The following ABHD2 variants were observed in gnomAD, a reference collection of about 807,000 sequenced individuals.
ABHD2 encodes abhydrolase domain containing 2, acylglycerol lipase, also known as monoacylglycerol lipase ABHD2.
ABHD2 carries 20 observed loss-of-function variants against 48.1 expected under a neutral mutation model. The observed-to-expected ratio is 0.42, with a 90% CI of 0.29 to 0.60. The LOEUF (loss-of-function observed/expected upper bound fraction) is 0.60. Ranked by LOEUF, ABHD2 falls within the 20% of genes least tolerant of loss-of-function variation. ABHD2 has a pLI of 0.24. For missense variants in ABHD2, 405 were observed against 550.9 expected, an observed-to-expected ratio of 0.74 and a Z score of 2.65; for synonymous variants, 209 against 214.2, an observed-to-expected ratio of 0.98 and a Z score of 0.21.
chr15:89,140,189 A>G (rs966896293), intron 3 of ABHD2, among the ~76,000 whole-genome samples: 1 of 152,146 alleles, frequency 6.6e-6, no homozygotes, highest in Non-Finnish European at 1.5e-5. Flanking sequence ...TGAGGCTTCC[A>G]CTCACGTGCT....
chr15:89,187,999 C>T (rs1362395987), intron 7 of ABHD2, among the ~76,000 whole-genome samples, 194 bp from the exon 8 acceptor site: 1 of 152,158 alleles, frequency 6.6e-6, no homozygotes, highest in Non-Finnish European at 1.5e-5. Flanking sequence ...GTCTGGGTAC[C>T]CCTGAAAAGG....
rs1179586757 is a variant in ABHD2, at chr15:89,198,554, ACTTACTGGGAAC to A, written c.*3136_*3147del. On this transcript the variant is annotated 3_prime_UTR_variant, in exon 11 of 11. Transcript: ENST00000352732. This position sits in a 1 kb window ranked among gnomAD's most constrained non-coding sequence, Gnocchi z 5.1. ...TTTTAACCTCTCTGCAGCATTTTAC[ACTTACTGGGAAC>A]CTTATGATTCACCGTAAGAGTGGAA... 1 of 152,216 alleles carries A rather than the reference ACTTACTGGGAAC, an allele frequency of 6.6e-6. No homozygotes were observed. The highest frequency in any genetic ancestry group is 1.5e-5 in the Non-Finnish European group (1 of 68,044). 9.4% of individuals were successfully genotyped at this position (152,216 alleles called of 1,614,324 possible).
At chr15:89,078,291 C>A in the ABHD2 span, among the ~76,000 whole-genome samples, 1 of 152,194 alleles carries the variant, frequency 6.6e-6, no homozygotes, top group Non-Finnish European at 1.5e-5. Flanking sequence ...ACATTGCCTC[C>A]AGATTAATTG....
the ABHD2 span, among the ~76,000 whole-genome samples, chr15:89,049,035 G>A: frequency 0.019 from 2,842 of 152,122 alleles, 84 homozygotes; most frequent in African/African-American, 0.065. Context: ...TTTGGTCTTC[G>A]ATGATGGTGA....
chr15:89,058,043 AT>A, the ABHD2 span, among the ~76,000 whole-genome samples: 1 of 152,162 alleles, frequency 6.6e-6, no homozygotes, highest in African/African-American at 2.4e-5. Context: ...CACATACTCT[AT>A]GTCTGCATAT....
Position 89,201,641 on chromosome 15 carries a change from G to T in ABHD2, c.*6218G>T, listed in dbSNP as rs16949949. On this transcript the variant is annotated 3_prime_UTR_variant, in exon 11 of 11. Coordinates refer to ENST00000352732, the MANE Select transcript of ABHD2 (RefSeq NM_152924.5). The stretch of plus-strand genomic sequence containing the variant: ...GCCTCACACAGTACCGGTGAGGCAC[G>T]GTAGTCTTCACTTTGAAACACACTT... 2 of 1,599,556 alleles carry T rather than the reference G, an allele frequency of 1.3e-6. No individual in the cohort carries two copies. Among genetic ancestry groups the T allele is most frequent in the African/African-American group, 2.7e-5 (2 of 74,626 alleles).
the ABHD2 span, among the ~76,000 whole-genome samples, chr15:89,054,197 C>G: frequency 6.6e-6 from 1 of 151,896 alleles, no homozygotes; most frequent in East Asian, 1.9e-4. Flanking sequence ...TGACACACGC[C>G]TGTAGTCCCA....
In ABHD2 at chr15:89,173,820, A is replaced by G. The variant is rs556857932; in HGVS notation, c.539-1992A>G. On this transcript the variant is annotated intron_variant, in intron 5 of 10. Coordinates refer to ENST00000352732, the MANE Select transcript of ABHD2 (RefSeq NM_152924.5). The surrounding 1 kb of genome is among the most constrained non-coding windows in gnomAD (Gnocchi z 6.5). Reference sequence around the variant, plus strand: ...AAGAGGGAGAAAAATAAGCAGCTTGATCCTCTACTATCTCACTGGAGAGGG... The same window carrying G: ...AAGAGGGAGAAAAATAAGCAGCTTGGTCCTCTACTATCTCACTGGAGAGGG... Among the ~76,000 whole-genome samples the G allele has an allele frequency of 6.6e-6, 1 of 152,230 alleles. No homozygotes were observed. Among genetic ancestry groups the G allele is most frequent in the South Asian group, 2.1e-4 (1 of 4,814 alleles).
In ABHD2 at chr15:89,164,063, C is replaced by T. The variant is rs2050800870; in HGVS notation, c.538+8529C>T. 6.6e-6 allele frequency among the ~76,000 whole-genome samples: 1 copy of T among 152,212 alleles called. No individual in the cohort carries two copies. The highest frequency in any genetic ancestry group is 2.4e-5 in the African/African-American group (1 of 41,446). Reference sequence around the variant, plus strand: ...AAGAGCATCCAAGAGCATCTCAGAGCCACAGAATTGGACCTGTGGGTTTGG... The same window carrying T: ...AAGAGCATCCAAGAGCATCTCAGAGTCACAGAATTGGACCTGTGGGTTTGG... On this transcript the variant is annotated intron_variant, in intron 5 of 10. Coordinates refer to ENST00000352732, the MANE Select transcript of ABHD2 (RefSeq NM_152924.5). This position sits in a 1 kb window ranked among gnomAD's most constrained non-coding sequence, Gnocchi z 5.0.
chr15:89,095,187 C>T (rs1476780342), intron 1 of ABHD2, among the ~76,000 whole-genome samples: 1 of 151,966 alleles, frequency 6.6e-6, no homozygotes, highest in African/African-American at 2.4e-5. Flanking sequence ...AGTTAATGGC[C>T]ATTGAATTAT....
At chr15:89,113,575 G>A (rs938252409) in intron 1 of ABHD2, 150 bp from the exon 2 acceptor site, 1 of 152,216 alleles carries the variant, frequency 6.6e-6, no homozygotes, top group Non-Finnish European at 1.5e-5. Flanking sequence ...TGTTAAAAAG[G>A]CCAAACATTC....
At chr15:89,075,822 A>G in the ABHD2 span, among the ~76,000 whole-genome samples, 2 of 152,206 alleles carry the variant, frequency 1.3e-5, no homozygotes, top group African/African-American at 4.8e-5. The surrounding 1 kb of genome is among the most constrained non-coding windows in gnomAD (Gnocchi z 4.1). Context: ...AGAAGAGTCC[A>G]TGGGGCAGGC....
chr15:89,095,536 C>A (rs888971455), intron 1 of ABHD2, among the ~76,000 whole-genome samples: 6 of 152,196 alleles, frequency 3.9e-5, no homozygotes, highest in Non-Finnish European at 5.9e-5. Context: ...GAGACCCCAG[C>A]AACCTGCTGG....
rs932253881 is a variant in ABHD2, at chr15:89,100,665, C to G, written c.-107+12102C>G. 1.3e-5 allele frequency among the ~76,000 whole-genome samples: 2 copies of G among 152,036 alleles called. No homozygotes were observed. Among genetic ancestry groups the G allele is most frequent in the Non-Finnish European group, 2.9e-5 (2 of 68,012 alleles). ...TGGGTGGATCACGAGGTCAGGAGTTCGAGACCAGCCTGGCCAACATAGTGA... is the reference window on the plus strand; with the variant it reads ...TGGGTGGATCACGAGGTCAGGAGTTGGAGACCAGCCTGGCCAACATAGTGA... On this transcript the variant is annotated intron_variant, in intron 1 of 10. Transcript: ENST00000352732. This position sits in a 1 kb window ranked among gnomAD's most constrained non-coding sequence, Gnocchi z 4.4.
rs1458513084 is a variant in ABHD2 at position 89,116,291 on chromosome 15, G to A, written c.-6-31G>A. ...GGCACCACCCGTCCTCACTGTGCTTGTAAACTTAGACCTGTGCCTCTGCTC... is the reference window on the plus strand; with the variant it reads ...GGCACCACCCGTCCTCACTGTGCTTATAAACTTAGACCTGTGCCTCTGCTC... On this transcript the variant is annotated intron_variant, in intron 2 of 10. Transcript: ENST00000352732. The surrounding 1 kb of genome is among the most constrained non-coding windows in gnomAD (Gnocchi z 4.6). The A allele has an allele frequency of 1.3e-6, 2 of 1,593,274 alleles. No homozygotes were observed. The highest frequency in any genetic ancestry group is 1.7e-5 in the Admixed American group (1 of 58,742).
intron 5 of ABHD2, among the ~76,000 whole-genome samples, chr15:89,163,049 C>G (rs369560135): frequency 2.3e-4 from 35 of 152,250 alleles, no homozygotes; most frequent in Non-Finnish European, 2.5e-4. Context: ...CACATTGCCT[C>G]TCTTTTGAGC....
chr15:89,132,862 C>A lies in ABHD2; in HGVS notation c.194+16341C>A, dbSNP rs370248708. The stretch of plus-strand genomic sequence containing the variant: ...AGGTCTGGTGCCTAAGCTGGGGTTT[C>A]TCAAGGATGGAGTTGTTGACCATCT... On this transcript the variant is annotated intron_variant, in intron 3 of 10. Coordinates refer to ENST00000352732, the MANE Select transcript of ABHD2 (RefSeq NM_152924.5). Among the ~76,000 whole-genome samples, 8 of 152,322 alleles carry A rather than the reference C, an allele frequency of 5.3e-5. No homozygotes were observed. In the East Asian group the frequency reaches 1.4e-3, roughly 26 times the overall value.
chr15:89,136,965 C>T (rs1326467265), intron 3 of ABHD2, among the ~76,000 whole-genome samples: 4 of 152,168 alleles, frequency 2.6e-5, no homozygotes, highest in East Asian at 1.9e-4. Context: ...GTGTTCTGAG[C>T]GTCAGCGTAC....
At chr15:89,058,750 C>T in the ABHD2 span, among the ~76,000 whole-genome samples, 2 of 152,130 alleles carry the variant, frequency 1.3e-5, no homozygotes, top group East Asian at 1.9e-4. Context: ...CAGGAAAGAC[C>T]TCACTCTTCA....
Sources: allele counts gnomAD v4.1 joint callset (sites outside exome capture counted in the v4.1 genomes callset), GRCh38; gene constraint gnomAD v4.1.1; non-coding constraint Gnocchi (gnomAD v3.1); transcripts MANE v1.5; gene names NCBI Gene and HGNC (gene_info 2026-07-23, HGNC 2026-07-21).